The following SMYD3 variants were observed in gnomAD, a reference collection of about 807,000 sequenced individuals.
The protein encoded by SMYD3 is SET and MYND domain containing 3.
A neutral mutation model predicts 57.7 loss-of-function variants in SMYD3; 36 were observed. That is an observed-to-expected ratio of 0.62 (90% CI 0.48 to 0.82). SMYD3 has a LOEUF of 0.82. Among genes scored for constraint, SMYD3 ranks in the 40% least tolerant of loss-of-function variants. SMYD3 has a pLI of 0.00. For synonymous variants in SMYD3, 211 were observed against 195.0 expected, an observed-to-expected ratio of 1.08 and a Z score of -0.68; for missense variants, 515 against 538.8, an observed-to-expected ratio of 0.96 and a Z score of 0.44.
At chr1:246,457,068 CT>C (rs963636729) in intron 1 of SMYD3, among the ~76,000 whole-genome samples, 1 of 152,108 alleles carries the variant, frequency 6.6e-6, no homozygotes, top group East Asian at 1.9e-4. Context: ...CTTGAGTAGA[CT>C]TTTTTTCCTT....
At chr1:245,952,614 G>A (rs2057695043) in intron 5 of SMYD3, among the ~76,000 whole-genome samples, 2 of 152,244 alleles carry the variant, frequency 1.3e-5, no homozygotes, top group South Asian at 4.2e-4. Context: ...CACCTAACTT[G>A]AGAAGATTGT....
At chr1:246,027,750 T>C (rs76440496) in intron 5 of SMYD3, among the ~76,000 whole-genome samples, 13,420 of 152,224 alleles carry the variant, frequency 0.088, 1,748 homozygotes, top group African/African-American at 0.28. Context: ...ACACAAAATC[T>C]AGTCTTCAGC....
chr1:246,401,224 G>C (rs1355915989), intron 1 of SMYD3, among the ~76,000 whole-genome samples: 2 of 152,162 alleles, frequency 1.3e-5, no homozygotes, highest in African/African-American at 4.8e-5. Flanking sequence ...GCCCAGGCAT[G>C]GTGGCTCACA....
chr1:245,782,643 T>C (rs1005431047), intron 10 of SMYD3, among the ~76,000 whole-genome samples: 2 of 152,218 alleles, frequency 1.3e-5, no homozygotes, highest in Non-Finnish European at 2.9e-5. Flanking sequence ...AGTAATTGAA[T>C]GATTAAACTA....
chr1:246,244,692 T>C (rs1413262098), intron 5 of SMYD3, among the ~76,000 whole-genome samples: 1 of 152,176 alleles, frequency 6.6e-6, no homozygotes, highest in Non-Finnish European at 1.5e-5. Flanking sequence ...TTTTGCTTTA[T>C]ATTTTCTAGT....
At chr1:246,229,438 T>C (rs552021432) in intron 5 of SMYD3, among the ~76,000 whole-genome samples, 1 of 152,246 alleles carries the variant, frequency 6.6e-6, no homozygotes, top group African/African-American at 2.4e-5. Context: ...CTTAATCCTA[T>C]TGAAATTTAA....
intron 8 of SMYD3, among the ~76,000 whole-genome samples, chr1:245,893,498 A>G (rs545565092): frequency 0.2 from 246 of 1,252 alleles, 1 homozygote; most frequent in Middle Eastern, 0.5. Flanking sequence ...TGAAATAGCC[A>G]TGTAATGGAA....
chr1:246,354,522 T>C (rs1184200424), intron 2 of SMYD3, among the ~76,000 whole-genome samples: 1 of 152,074 alleles, frequency 6.6e-6, no homozygotes, highest in Non-Finnish European at 1.5e-5. Context: ...CAAGCATTCA[T>C]TAACAAAGAA....
chr1:246,205,178 G>C (rs940718622), intron 5 of SMYD3, among the ~76,000 whole-genome samples: 1 of 152,192 alleles, frequency 6.6e-6, no homozygotes, highest in African/African-American at 2.4e-5. Flanking sequence ...GAATTTAGAC[G>C]TAAGAAGACA....
intron 10 of SMYD3, among the ~76,000 whole-genome samples, chr1:245,764,933 T>C (rs1394945202): frequency 1.3e-5 from 2 of 151,878 alleles, no homozygotes; most frequent in African/African-American, 4.8e-5. Context: ...CATATTGGAT[T>C]TAACCAAATA....
At chr1:246,215,213 T>C (rs976910328) in intron 5 of SMYD3, among the ~76,000 whole-genome samples, 1 of 152,226 alleles carries the variant, frequency 6.6e-6, no homozygotes, top group Non-Finnish European at 1.5e-5. Context: ...AGTTTCGCAA[T>C]CTCTTCACTA....
intron 5 of SMYD3, among the ~76,000 whole-genome samples, chr1:246,320,748 T>C (rs886160055): frequency 1.5e-4 from 23 of 152,218 alleles, no homozygotes; most frequent in Middle Eastern, 3.2e-3. Flanking sequence ...AAATCTTTTA[T>C]GTGCATAAAA....
chr1:246,031,668 C>T (rs1394265518), intron 5 of SMYD3, among the ~76,000 whole-genome samples: 2 of 148,798 alleles, frequency 1.3e-5, no homozygotes, highest in Admixed American at 6.8e-5. Flanking sequence ...ACCAGGGAGG[C>T]GGAGGATGCA....
At chr1:245,859,418 C>T (rs1202550585) in intron 9 of SMYD3, among the ~76,000 whole-genome samples, 1 of 152,228 alleles carries the variant, frequency 6.6e-6, no homozygotes, top group East Asian at 1.9e-4. Context: ...TTCTCAGTAA[C>T]TGCCTTTCTG....
intron 1 of SMYD3, among the ~76,000 whole-genome samples, chr1:246,387,543 C>T (rs1278869192): frequency 2.0e-5 from 3 of 152,144 alleles, no homozygotes; most frequent in Non-Finnish European, 4.4e-5. Flanking sequence ...ACCTGGCTTC[C>T]TGGAGTTTAC....
intron 5 of SMYD3, among the ~76,000 whole-genome samples, chr1:246,313,144 G>C (rs1460359757): frequency 6.6e-6 from 1 of 152,050 alleles, no homozygotes; most frequent in East Asian, 1.9e-4. Flanking sequence ...GAGCTCAAGC[G>C]ATCTGCCCAC....
chr1:245,775,163 C>A (rs2046522797), intron 10 of SMYD3, among the ~76,000 whole-genome samples: 3 of 152,286 alleles, frequency 2.0e-5, no homozygotes, highest in Middle Eastern at 3.4e-3. Context: ...GCAGCCGCCC[C>A]CTCCAAGAGG....
At position 246,293,943 on chromosome 1, in the gene SMYD3, G is replaced by A. The variant is rs936824182; in HGVS notation, c.531+33258C>T. 9.9e-5 allele frequency among the ~76,000 whole-genome samples: 15 copies of A among 152,210 alleles called. No individual in the cohort carries two copies. The South Asian group carries it at 1.0e-3, about 11-fold the overall frequency. On this transcript the variant is annotated intron_variant, in intron 5 of 11. Coordinates refer to ENST00000490107, the MANE Select transcript of SMYD3 (RefSeq NM_001167740.2). Reference sequence around the variant, plus strand: ...CTTTTCAGTCCTCACGTTAACTGACGTCTCTGCAGCACTTGAAGCTGTTGA... The same window carrying A: ...CTTTTCAGTCCTCACGTTAACTGACATCTCTGCAGCACTTGAAGCTGTTGA...
At chr1:246,445,950 C>G (rs1168502704) in intron 1 of SMYD3, among the ~76,000 whole-genome samples, 4 of 151,920 alleles carry the variant, frequency 2.6e-5, no homozygotes, top group Non-Finnish European at 5.9e-5. Context: ...AGACTGAAAA[C>G]CATATGAATG....
Sources: gnomAD v4.1 joint callset for allele counts (sites outside exome capture counted in the v4.1 genomes callset) on GRCh38, gnomAD v4.1.1 for gene constraint, MANE v1.5 for transcripts, NCBI Gene and HGNC (gene_info 2026-07-23, HGNC 2026-07-21) for gene names.